The following EIF4G3 variants were observed in gnomAD, a reference collection of about 807,000 sequenced individuals.
EIF4G3 encodes the protein eIF-4-gamma 3.
EIF4G3 carries 34 observed loss-of-function variants against 186.4 expected under a neutral mutation model. The observed-to-expected ratio is 0.18, with a 90% CI of 0.14 to 0.24. The LOEUF (loss-of-function observed/expected upper bound fraction) is 0.24. Among genes scored for constraint, EIF4G3 ranks in the 10% least tolerant of loss-of-function variants. The probability of loss-of-function intolerance (pLI) is 1.00; values close to 1 mark genes in which losing one functional copy is unlikely to be tolerated. For missense variants in EIF4G3, 1,536 were observed against 1,948.5 expected (o/e 0.79, Z 3.99); for synonymous variants, 673 against 679.5 (o/e 0.99, Z 0.15).
intron 29 of EIF4G3, among the ~76,000 whole-genome samples, chr1:20,846,914 T>C (rs2071285942): frequency 6.6e-6 from 1 of 152,184 alleles, no homozygotes; most frequent in Admixed American, 6.5e-5. Context: ...AGGCACAAAA[T>C]AAACCCTCAA....
chr1:20,997,740 C>T (rs182549279), intron 6 of EIF4G3, 107 bp from the exon 7 acceptor site: 1 of 819,582 alleles, frequency 1.2e-6, no homozygotes, highest in African/African-American at 1.8e-5. Flanking sequence ...AAAAAACCCA[C>T]AGTGGGGAAA....
chr1:21,135,472 G>A (rs2097222090), intron 2 of EIF4G3, among the ~76,000 whole-genome samples: 1 of 152,210 alleles, frequency 6.6e-6, no homozygotes, highest in African/African-American at 2.4e-5. Flanking sequence ...TTGCACTCCA[G>A]CCTGGGCAAC....
At chr1:21,163,956 T>C (rs1205152930) in intron 2 of EIF4G3, among the ~76,000 whole-genome samples, 2 of 152,066 alleles carry the variant, frequency 1.3e-5, no homozygotes. Context: ...ATTTTTTTAG[T>C]AGAGACAGGG....
At chr1:21,031,384 C>CAAA (rs35183246) in intron 4 of EIF4G3, among the ~76,000 whole-genome samples, 9 of 73,384 alleles carry the variant, frequency 1.2e-4, no homozygotes, top group African/African-American at 4.3e-4. Context: ...GGAATGATGG[C>CAAA]AAAAAAAAAA....
At chr1:20,878,748 C>A (rs1202677604) in intron 20 of EIF4G3, among the ~76,000 whole-genome samples, 1 of 152,180 alleles carries the variant, frequency 6.6e-6, no homozygotes, top group African/African-American at 2.4e-5. Flanking sequence ...GAATAGAGGA[C>A]AATGAACACT....
intron 4 of EIF4G3, among the ~76,000 whole-genome samples, chr1:21,004,577 C>G (rs1368683888): frequency 6.6e-6 from 1 of 152,038 alleles, no homozygotes; most frequent in Non-Finnish European, 1.5e-5. Flanking sequence ...TAAAATATTC[C>G]CAAATCACCT....
intron 29 of EIF4G3, among the ~76,000 whole-genome samples, chr1:20,843,734 G>A (rs958886794): frequency 7.9e-5 from 12 of 151,970 alleles, no homozygotes; most frequent in African/African-American, 1.9e-4. Context: ...TTTGCTGTAC[G>A]GATTATTTCA....
intron 20 of EIF4G3, among the ~76,000 whole-genome samples, chr1:20,874,547 AT>A (rs2080209297): frequency 6.6e-6 from 1 of 152,144 alleles, no homozygotes. Flanking sequence ...TGAACTGCCC[AT>A]ATTTTTATTA....
chr1:21,052,571 CTCTCCCTCTCCCCACGG>C (rs903125870), intron 3 of EIF4G3, among the ~76,000 whole-genome samples: 1 of 151,936 alleles, frequency 6.6e-6, no homozygotes, highest in Non-Finnish European at 1.5e-5. Flanking sequence ...CTCCCTCTCC[CTCTCCCTCTCCCCACGG>C]TCTCCCTCTC....
At chr1:21,094,823 T>C (rs1383319187) in intron 2 of EIF4G3, among the ~76,000 whole-genome samples, 3 of 149,478 alleles carry the variant, frequency 2.0e-5, no homozygotes, top group South Asian at 2.1e-4. Context: ...GATTTCTTTT[T>C]GTAAATAGCC....
chr1:20,944,066 C>A (rs1434608214), intron 13 of EIF4G3, among the ~76,000 whole-genome samples: 1 of 114,840 alleles, frequency 8.7e-6, no homozygotes, highest in African/African-American at 3.3e-5. Context: ...TGGAACACAC[C>A]ATATATAACA....
chr1:20,816,803 C>A (rs1378688592), intron 34 of EIF4G3, among the ~76,000 whole-genome samples: 1 of 92,592 alleles, frequency 1.1e-5, no homozygotes, highest in Non-Finnish European at 2.3e-5. Context: ...AATAGAAAGG[C>A]GGGAAGGGTG....
intron 13 of EIF4G3, 90 bp downstream of exon 13, chr1:20,949,913 T>G: frequency 2.8e-6 from 3 of 1,083,604 alleles, no homozygotes; most frequent in Non-Finnish European, 4.1e-6. Context: ...AATCCTTGGA[T>G]GCTGTACTCT....
intron 10 of EIF4G3, among the ~76,000 whole-genome samples, chr1:20,974,125 C>A (rs1224504836): frequency 1.3e-5 from 2 of 152,132 alleles, no homozygotes; most frequent in Non-Finnish European, 2.9e-5. Context: ...TTAGACAGGT[C>A]AAGTTTCGGG....
chr1:21,152,123 C>T (rs2097560966), intron 2 of EIF4G3, among the ~76,000 whole-genome samples: 1 of 152,032 alleles, frequency 6.6e-6, no homozygotes, highest in Non-Finnish European at 1.5e-5. Flanking sequence ...TGACAGGGAA[C>T]CAAGCACCTA....
intron 2 of EIF4G3, among the ~76,000 whole-genome samples, chr1:21,150,182 T>G (rs1257434422): frequency 6.6e-6 from 1 of 152,202 alleles, no homozygotes; most frequent in Non-Finnish European, 1.5e-5. Context: ...TGCCCGCCCC[T>G]GCTGCAGCAG....
Position 21,000,991 on chromosome 1 carries a change from CCTGA to C in EIF4G3, c.144+204_144+207del, listed in dbSNP as rs200316135. ...GAAAAATCTAAACCCCCAAATTCTT[CCTGA>C]CTAATTCCCAATAGAGAACACCCAC... On this transcript the variant is annotated intron_variant, in intron 6 of 36. Transcript: ENST00000602326. 3.9e-3 allele frequency among the ~76,000 whole-genome samples: 600 copies of C among 152,310 alleles called. 14 individuals are homozygous for C. Among genetic ancestry groups the C allele is most frequent in the Admixed American group, 0.033 (511 of 15,296 alleles).
chr1:21,084,677 T>C (rs1330047748), intron 3 of EIF4G3, among the ~76,000 whole-genome samples: 1 of 152,194 alleles, frequency 6.6e-6, no homozygotes, highest in South Asian at 2.1e-4. Context: ...GCCTCTGCAC[T>C]GATGTTCCTT....
chr1:20,885,452 A>G (rs1304318863), intron 19 of EIF4G3, among the ~76,000 whole-genome samples: 1 of 152,220 alleles, frequency 6.6e-6, no homozygotes, highest in East Asian at 1.9e-4. Flanking sequence ...TTGAACTGCT[A>G]CACTTAACTG....
Sources: allele counts gnomAD v4.1 joint callset (sites outside exome capture counted in the v4.1 genomes callset), GRCh38; gene constraint gnomAD v4.1.1; transcripts MANE v1.5; gene names NCBI Gene and HGNC (gene_info 2026-07-23, HGNC 2026-07-21).